Variants in ST8SIA2 observed in about 807,000 individuals in gnomAD.
ST8SIA2 encodes the protein alpha-2,8-sialyltransferase 8B.
Under a neutral mutation model 37.6 loss-of-function variants are expected in ST8SIA2, and 22 were observed. The observed-to-expected ratio is 0.58, with a 90% CI of 0.42 to 0.83. The LOEUF is 0.83. Among genes scored for constraint, ST8SIA2 ranks in the 40% least tolerant of loss-of-function variants. ST8SIA2 has a pLI of 0.00. For missense variants in ST8SIA2, 382 were observed against 484.7 expected (o/e 0.79, Z 1.99); for synonymous variants, 205 against 201.2 (o/e 1.02, Z -0.16).
At chr15:92,421,990 C>T (rs781711686) in intron 1 of ST8SIA2, among the ~76,000 whole-genome samples, 2 of 152,196 alleles carry the variant, frequency 1.3e-5, no homozygotes, top group African/African-American at 4.8e-5. Context: ...ATGACTATAG[C>T]TTAAATTTTG....
intron 1 of ST8SIA2, among the ~76,000 whole-genome samples, chr15:92,419,878 T>C (rs1287366273): frequency 2.0e-5 from 3 of 152,160 alleles, no homozygotes; most frequent in Non-Finnish European, 4.4e-5. Flanking sequence ...GCTTTGTTTG[T>C]TTCTTTGAGA....
At chr15:92,407,592 C>T (rs1221662078) in intron 1 of ST8SIA2, among the ~76,000 whole-genome samples, 1 of 152,166 alleles carries the variant, frequency 6.6e-6, no homozygotes, top group Non-Finnish European at 1.5e-5. Context: ...CTGAGTGGAT[C>T]TGGTGGCCTG....
intron 2 of ST8SIA2, among the ~76,000 whole-genome samples, 175 bp downstream of exon 2, chr15:92,430,286 G>A (rs1034970454): frequency 6.6e-6 from 1 of 152,188 alleles, no homozygotes; most frequent in Non-Finnish European, 1.5e-5. Flanking sequence ...AAGATCACAT[G>A]AAATGGCCCA....
intron 1 of ST8SIA2, among the ~76,000 whole-genome samples, chr15:92,413,646 A>T (rs2049566266): frequency 6.6e-6 from 1 of 152,186 alleles, no homozygotes; most frequent in African/African-American, 2.4e-5. Flanking sequence ...GGTGCTTGAC[A>T]CGTGCATGTG....
chr15:92,401,530 C>T (rs1032389129), intron 1 of ST8SIA2, among the ~76,000 whole-genome samples: 3 of 152,138 alleles, frequency 2.0e-5, no homozygotes, highest in Admixed American at 6.5e-5. Context: ...GAGCAGCGGC[C>T]CCGACACGAC....
chr15:92,415,547 A>G (rs1437253346), intron 1 of ST8SIA2, among the ~76,000 whole-genome samples: 1 of 151,786 alleles, frequency 6.6e-6, no homozygotes, highest in African/African-American at 2.4e-5. Flanking sequence ...GCTGTAGAAA[A>G]ATGTAGCATA....
chr15:92,459,617 G>A (rs2141851303), intron 5 of ST8SIA2, among the ~76,000 whole-genome samples: 1 of 152,250 alleles, frequency 6.6e-6, no homozygotes, highest in Non-Finnish European at 1.5e-5. Flanking sequence ...TTTTGTTTTT[G>A]AGATGGAGTC....
intron 1 of ST8SIA2, among the ~76,000 whole-genome samples, chr15:92,425,193 C>T (rs1184783067): frequency 1.3e-5 from 2 of 152,184 alleles, no homozygotes; most frequent in Non-Finnish European, 2.9e-5. Flanking sequence ...ATTTTAATAA[C>T]ATTTGAGGCA....
At chr15:92,398,143 AAAAAG>A (rs2049445420) in intron 1 of ST8SIA2, among the ~76,000 whole-genome samples, 1 of 152,212 alleles carries the variant, frequency 6.6e-6, no homozygotes, top group African/African-American at 2.4e-5. Flanking sequence ...CAAAAAAAGA[AAAAAG>A]AAAAGAAAAA....
In ST8SIA2 at chr15:92,393,897, TCGCTGC is replaced by T. The variant is rs965021609; in HGVS notation, c.-146_-141del. The T allele has an allele frequency of 1.2e-4, 30 of 245,960 alleles. 1 individual carries two copies. The highest frequency in any genetic ancestry group is 1.1e-3 in the Admixed American group (19 of 17,288). The allele number at this position is 245,960 out of a possible 1,614,324, so 15.2% of individuals were successfully genotyped here. On this transcript the variant is annotated 5_prime_UTR_variant, in exon 1 of 6. Transcript: ENST00000268164. ...GCCGCGCCTGAGCAACCCCTGCCTG[TCGCTGC>T]CGCTGCCGCTGCCGCTGCCGCCGCC...
At chr15:92,453,031 T>C (rs1284564787) in intron 5 of ST8SIA2, among the ~76,000 whole-genome samples, 2 of 152,020 alleles carry the variant, frequency 1.3e-5, no homozygotes, top group African/African-American at 2.4e-5. Flanking sequence ...TCTGCCTATC[T>C]GAGGCAGTGA....
chr15:92,448,470 G>A (rs2049858155), intron 5 of ST8SIA2, among the ~76,000 whole-genome samples: 1 of 152,252 alleles, frequency 6.6e-6, no homozygotes, highest in Non-Finnish European at 1.5e-5. Context: ...ATTGTAGAGA[G>A]GAAGGCTGAG....
intron 1 of ST8SIA2, chr15:92,417,401 A>T (rs754546285): frequency 6.6e-6 from 1 of 152,300 alleles, no homozygotes; most frequent in African/African-American, 2.4e-5. Context: ...GCCCTCCAGA[A>T]ATTCTCTCAC....
chr15:92,414,110 C>T (rs887711859), intron 1 of ST8SIA2, among the ~76,000 whole-genome samples: 16 of 152,338 alleles, frequency 1.1e-4, no homozygotes, highest in African/African-American at 3.8e-4. Context: ...CCAGCCTCCC[C>T]GCCTTCTGCA....
At chr15:92,409,604 A>G (rs118032995) in intron 1 of ST8SIA2, among the ~76,000 whole-genome samples, 2 of 152,172 alleles carry the variant, frequency 1.3e-5, no homozygotes, top group Admixed American at 6.5e-5. Context: ...TAGCGAGTGC[A>G]TGACACCTGG....
At chr15:92,452,093 C>T (rs2049886116) in intron 5 of ST8SIA2, among the ~76,000 whole-genome samples, 1 of 152,202 alleles carries the variant, frequency 6.6e-6, no homozygotes, top group Admixed American at 6.5e-5. Flanking sequence ...TCTGTCTTTT[C>T]AGCAAAGATG....
intron 1 of ST8SIA2, among the ~76,000 whole-genome samples, chr15:92,425,406 C>T (rs927032238): frequency 5.9e-5 from 9 of 152,212 alleles, no homozygotes; most frequent in African/African-American, 2.2e-4. Context: ...AAAACCCCCA[C>T]TTAACTCTTG....
At position 92,437,768 on chromosome 15, in the gene ST8SIA2, G is replaced by A. The variant is rs141701047; in HGVS notation, c.291-585G>A. Among the ~76,000 whole-genome samples, 470 of 152,292 alleles carry A rather than the reference G, an allele frequency of 3.1e-3. 3 individuals are homozygous for A. Among genetic ancestry groups the A allele is most frequent in the South Asian group, 0.021 (99 of 4,812 alleles). ...AATGGGCCGGTAAGGAGTGAGAGGC[G>A]CCTGTCATCTGGCTTTCTGCTCCTA... is the stretch of plus-strand genomic sequence containing the variant. On this transcript the variant is annotated intron_variant, in intron 3 of 5. Transcript: ENST00000268164.
At chr15:92,413,522 C>T (rs551103029) in intron 1 of ST8SIA2, among the ~76,000 whole-genome samples, 1 of 152,276 alleles carries the variant, frequency 6.6e-6, no homozygotes, top group South Asian at 2.1e-4. Flanking sequence ...AGCCATGTCC[C>T]ATTTCCCTCC....
Sources: allele counts gnomAD v4.1 joint callset (sites outside exome capture counted in the v4.1 genomes callset), GRCh38; gene constraint gnomAD v4.1.1; transcripts MANE v1.5; gene names NCBI Gene and HGNC (gene_info 2026-07-23, HGNC 2026-07-21).